The following GLT6D1 variants were observed in gnomAD, a reference collection of about 807,000 sequenced individuals.
GLT6D1 encodes glycosyltransferase 6 domain containing 1, also known as putative glycosyltransferase 6 domain-containing protein 1.
In GLT6D1, 9 loss-of-function variants were observed where a neutral mutation model predicts 12.3. That is an observed-to-expected ratio of 0.73 (90% CI 0.44 to 1.27). The LOEUF is 1.27. Ranked by LOEUF, GLT6D1 falls within the 50% of genes most tolerant of loss-of-function variation. GLT6D1 has a pLI of 0.00. For missense variants in GLT6D1, 335 were observed against 346.2 expected, an observed-to-expected ratio of 0.97 and a Z score of 0.26; for synonymous variants, 128 against 132.3, an observed-to-expected ratio of 0.97 and a Z score of 0.23.
At chr9:135,631,542 T>C in intron 2 of GLT6D1, 64 bp from the exon 3 acceptor site, 1 of 1,246,598 alleles carries the variant, frequency 8.0e-7, no homozygotes. Context: ...GAGCCTGTGA[T>C]AGGCAGGCCC....
chr9:135,629,696 A>C (rs1272092199), intron 3 of GLT6D1, among the ~76,000 whole-genome samples: 2 of 152,198 alleles, frequency 1.3e-5, no homozygotes, highest in African/African-American at 4.8e-5. Flanking sequence ...TGAAGTCTCC[A>C]GCTATTCTTG....
intron 2 of GLT6D1, among the ~76,000 whole-genome samples, chr9:135,634,211 C>A (rs946938872): frequency 1.3e-5 from 2 of 152,120 alleles, no homozygotes; most frequent in African/African-American, 4.8e-5. Flanking sequence ...TCACTGCAAC[C>A]TCCGCCTCCC....
chr9:135,635,886 T>A (rs1223046038), intron 2 of GLT6D1, among the ~76,000 whole-genome samples: 1 of 152,234 alleles, frequency 6.6e-6, no homozygotes, highest in Non-Finnish European at 1.5e-5. Context: ...TGAAGTTCCC[T>A]CCAACAGCAA....
chr9:135,628,001 A>G (rs1269738456), intron 3 of GLT6D1, among the ~76,000 whole-genome samples: 1 of 152,156 alleles, frequency 6.6e-6, no homozygotes, highest in East Asian at 1.9e-4. Flanking sequence ...AGAAATGGCT[A>G]TTCAGATCCT....
intron 3 of GLT6D1, among the ~76,000 whole-genome samples, chr9:135,627,376 T>G (rs1833547080): frequency 6.6e-6 from 1 of 152,226 alleles, no homozygotes; most frequent in South Asian, 2.1e-4. Context: ...ACATGCTATT[T>G]ACAGTTTCTC....
At chr9:135,626,299 T>G in intron 3 of GLT6D1, 93 bp from the exon 4 acceptor site, 1 of 1,355,734 alleles carries the variant, frequency 7.4e-7, no homozygotes, top group Non-Finnish European at 1.0e-6. Flanking sequence ...AGAGAGCACC[T>G]AGTGCGCGCC....
intron 2 of GLT6D1, among the ~76,000 whole-genome samples, chr9:135,636,434 G>A (rs982139492): frequency 7.9e-5 from 12 of 152,168 alleles, no homozygotes; most frequent in Non-Finnish European, 1.6e-4. Flanking sequence ...CCCTTCCAGT[G>A]GGATTGTTCT....
At chr9:135,634,806 T>A (rs1403973441) in intron 2 of GLT6D1, among the ~76,000 whole-genome samples, 1 of 151,960 alleles carries the variant, frequency 6.6e-6, no homozygotes, top group Non-Finnish European at 1.5e-5. Context: ...CAGCCTCCTG[T>A]CTGCACAGGA....
At chr9:135,634,442 C>CTTTTTTTTTTTTTTTTTTTTTTTTCT (rs370291630) in intron 2 of GLT6D1, among the ~76,000 whole-genome samples, 3 of 54,860 alleles carry the variant, frequency 5.5e-5, no homozygotes, top group Non-Finnish European at 9.4e-5. Flanking sequence ...TTTTCCTTTC[C>CTTTTTTTTTTTTTTTTTTTTTTTTCT]TTTTTTTTTT....
At chr9:135,637,836 A>G (rs181920046) in intron 2 of GLT6D1, among the ~76,000 whole-genome samples, 212 of 152,310 alleles carry the variant, frequency 1.4e-3, no homozygotes, top group African/African-American at 4.8e-3. Context: ...CTTACCAGAT[A>G]CATGTTGTGC....
Position 135,624,724 on chromosome 9 carries a change from C to CTTT in GLT6D1, c.258-57_258-55dup, listed in dbSNP as rs72471205. ...TACTTTTCTCTTTTTTCTTTTCTTT[C>CTTT]TTTTTTTTTTTTTTTTTTTTTTTGA... is the stretch of plus-strand genomic sequence containing the variant. On this transcript the variant is annotated intron_variant, in intron 4 of 4. Coordinates refer to ENST00000371763, the MANE Select transcript of GLT6D1 (RefSeq NM_182974.3). 782 of 564,898 alleles carry CTTT rather than the reference C, an allele frequency of 1.4e-3. 5 individuals are homozygous for CTTT. Among genetic ancestry groups the CTTT allele is most frequent in the African/African-American group, 4.5e-3 (137 of 30,152 alleles). 35.0% of individuals were successfully genotyped at this position (564,898 alleles called of 1,614,324 possible).
intron 2 of GLT6D1, among the ~76,000 whole-genome samples, chr9:135,636,460 A>G (rs1296981327): frequency 6.6e-6 from 1 of 152,206 alleles, no homozygotes; most frequent in Non-Finnish European, 1.5e-5. Context: ...TTTGGGATAT[A>G]GATTATGTTC....
At position 135,637,080 on chromosome 9, in the gene GLT6D1, G is replaced by A. The variant is rs564041837; in HGVS notation, c.71+2037C>T. 9.2e-5 allele frequency among the ~76,000 whole-genome samples: 14 copies of A among 151,912 alleles called. No homozygotes were observed. The South Asian group carries it at 1.5e-3, about 16-fold the overall frequency. Reference sequence around the variant, plus strand: ...TTGGTCAGGCTGGTCTCGAACTCCCGGCCTCAGGTGATCCACCTTCCTCAG... The same window carrying A: ...TTGGTCAGGCTGGTCTCGAACTCCCAGCCTCAGGTGATCCACCTTCCTCAG... On this transcript the variant is annotated intron_variant, in intron 2 of 4. Transcript: ENST00000371763.
intron 2 of GLT6D1, among the ~76,000 whole-genome samples, chr9:135,638,908 T>C (rs1833835839): frequency 6.6e-6 from 1 of 152,172 alleles, no homozygotes; most frequent in African/African-American, 2.4e-5. Context: ...GACATGTGCC[T>C]GTAGTCCCAG....
chr9:135,633,217 C>T (rs1564276591), intron 2 of GLT6D1, among the ~76,000 whole-genome samples: 1 of 152,098 alleles, frequency 6.6e-6, no homozygotes, highest in African/African-American at 2.4e-5. Flanking sequence ...CAAATATTCT[C>T]GCCGGCTGAG....
Position 135,631,841 on chromosome 9 carries a change from TAA to T in GLT6D1, c.72-365_72-364del, listed in dbSNP as rs1406815805. On this transcript the variant is annotated intron_variant, in intron 2 of 4. Coordinates refer to ENST00000371763, the MANE Select transcript of GLT6D1 (RefSeq NM_182974.3). ...ACATTAGTGGTTCTGCTCTATGTTGTAAAGAGGTGGGGAGGAGGCATCCAGAA... is the reference window on the plus strand; with the variant it reads ...ACATTAGTGGTTCTGCTCTATGTTGTAGAGGTGGGGAGGAGGCATCCAGAA... Among the ~76,000 whole-genome samples the T allele has an allele frequency of 3.9e-5, 6 of 152,218 alleles. 1 individual carries two copies.
intron 2 of GLT6D1, 74 bp downstream of exon 2, chr9:135,639,043 T>G: frequency 1.2e-6 from 1 of 808,016 alleles, no homozygotes; most frequent in Non-Finnish European, 2.0e-6. Context: ...AAAATTAAAT[T>G]AATTAATTTA....
rs1010638005 is a variant in GLT6D1, at chr9:135,639,039, A to G, written c.71+78T>C. On this transcript the variant is annotated intron_variant, in intron 2 of 4. Transcript: ENST00000371763. ...AGAGTAAGACCCTGTCTCAAAAATT[A>G]AATTAATTAATTTAATTAAATTAAA... 1.1e-5 allele frequency: 9 copies of G among 801,428 alleles called. No homozygotes were observed. The East Asian group carries it at 2.5e-4, about 22-fold the overall frequency. 49.6% of individuals were successfully genotyped at this position (801,428 alleles called of 1,614,324 possible).
chr9:135,640,338 G>T (rs548048971), upstream of GLT6D1, among the ~76,000 whole-genome samples: 1 of 152,164 alleles, frequency 6.6e-6, no homozygotes, highest in Admixed American at 6.5e-5. Context: ...TGGAAAGAAT[G>T]AGTTAAATGA....
Sources: gnomAD v4.1 joint callset for allele counts (sites outside exome capture counted in the v4.1 genomes callset) on GRCh38, gnomAD v4.1.1 for gene constraint, MANE v1.5 for transcripts, NCBI Gene and HGNC (gene_info 2026-07-23, HGNC 2026-07-21) for gene names.